Variants in REEP3 observed in about 807,000 individuals in gnomAD.
REEP3 encodes the protein receptor expression-enhancing protein 3.
In REEP3, 20 loss-of-function variants were observed where a neutral mutation model predicts 41.3. That is an observed-to-expected ratio of 0.48 (90% CI 0.34 to 0.70). REEP3 has a LOEUF of 0.70. Ranked by LOEUF, REEP3 falls within the 30% of genes least tolerant of loss-of-function variation. The probability of loss-of-function intolerance (pLI) is 0.01; values close to 1 mark genes in which losing one functional copy is unlikely to be tolerated. For missense variants in REEP3, 271 were observed against 308.8 expected, an observed-to-expected ratio of 0.88 and a Z score of 0.92; for synonymous variants, 104 against 101.8, an observed-to-expected ratio of 1.02 and a Z score of -0.13.
At position 63,610,335 on chromosome 10, in the gene REEP3, G is replaced by A; in HGVS notation, c.565+1G>A. ...AAACCAGCCCCCAGTGAATCAGCAG[G>A]TGTGCTTGTGTGTTTTAATATACGG... On this transcript the variant is annotated splice_donor_variant, in intron 6 of 7. Transcript: ENST00000373758. LOFTEE classifies it high-confidence loss of function. 7 of 1,552,244 alleles carry A rather than the reference G, an allele frequency of 4.5e-6. No homozygotes were observed. The highest frequency in any genetic ancestry group is 6.1e-6 in the Non-Finnish European group (7 of 1,147,202).
At chr10:63,591,413 A>C (rs1956062416) in intron 2 of REEP3, among the ~76,000 whole-genome samples, 1 of 143,626 alleles carries the variant, frequency 7.0e-6, no homozygotes, top group Non-Finnish European at 1.6e-5. Context: ...GAGAACAAAA[A>C]AAATCATAGG....
chr10:63,573,903 G>A (rs1008590722), intron 2 of REEP3, among the ~76,000 whole-genome samples: 10 of 151,984 alleles, frequency 6.6e-5, no homozygotes, highest in African/African-American at 2.4e-4. Flanking sequence ...GATTATGATG[G>A]GATTTTTACT....
intron 2 of REEP3, among the ~76,000 whole-genome samples, chr10:63,576,403 G>C (rs1454246774): frequency 6.6e-6 from 1 of 152,134 alleles, no homozygotes; most frequent in African/African-American, 2.4e-5. Flanking sequence ...CTGTTGAGGA[G>C]AATCATTCCT....
chr10:63,617,974 G>GC (rs1956324764), intron 6 of REEP3, among the ~76,000 whole-genome samples: 1 of 151,544 alleles, frequency 6.6e-6, no homozygotes, highest in African/African-American at 2.4e-5. Context: ...ACAGACTCCT[G>GC]CCACCACGCC....
intron 5 of REEP3, among the ~76,000 whole-genome samples, chr10:63,600,374 G>A (rs1956161371): frequency 6.6e-6 from 1 of 152,110 alleles, no homozygotes; most frequent in South Asian, 2.1e-4. Context: ...TATTAACTAT[G>A]CAGCACTATA....
At chr10:63,618,118 G>A (rs191989421) in intron 6 of REEP3, among the ~76,000 whole-genome samples, 1 of 151,560 alleles carries the variant, frequency 6.6e-6, no homozygotes, top group Admixed American at 6.6e-5. Flanking sequence ...GAGCCACTGC[G>A]CCTGGCTGTA....
chr10:63,591,524 T>C lies in REEP3; in HGVS notation c.106-3254T>C, dbSNP rs373820847. Among the ~76,000 whole-genome samples the C allele has an allele frequency of 2.6e-4, 39 of 152,358 alleles. No homozygotes were observed. In the East Asian group the frequency reaches 5.2e-3, roughly 20 times the overall value. ...GTAGTCAATTCACCAGGAAAATGCCTAGAAATACCCTATTGATTAGATAGT... is the reference window on the plus strand; with the variant it reads ...GTAGTCAATTCACCAGGAAAATGCCCAGAAATACCCTATTGATTAGATAGT... On this transcript the variant is annotated intron_variant, in intron 2 of 7. Coordinates refer to ENST00000373758, the MANE Select transcript of REEP3 (RefSeq NM_001001330.3).
intron 5 of REEP3, among the ~76,000 whole-genome samples, chr10:63,609,395 TG>T (rs1956258738): frequency 6.8e-6 from 1 of 145,990 alleles, no homozygotes; most frequent in African/African-American, 2.6e-5. Context: ...GAGCTTGCAG[TG>T]AGCCGAGATT....
At chr10:63,601,211 A>G (rs1017117695) in intron 5 of REEP3, among the ~76,000 whole-genome samples, 12 of 152,138 alleles carry the variant, frequency 7.9e-5, no homozygotes, top group African/African-American at 2.7e-4. Context: ...TAAATTTCTA[A>G]ACAGTGACAG....
At chr10:63,599,366 A>G in intron 5 of REEP3, 83 bp downstream of exon 5, 1 of 555,036 alleles carries the variant, frequency 1.8e-6, no homozygotes, top group South Asian at 3.6e-5. Context: ...CCATTATAAA[A>G]TTGTGGCATT....
At chr10:63,521,889 TCAGGGCAGGCGGC>T (rs1955264256) in intron 1 of REEP3, 1 of 153,318 alleles carries the variant, frequency 6.5e-6, no homozygotes, top group Non-Finnish European at 1.4e-5. Flanking sequence ...GGGCAGGCGC[TCAGGGCAGGCGGC>T]GCGCGCTCCC....
At chr10:63,533,185 C>G (rs1010748018) in intron 1 of REEP3, among the ~76,000 whole-genome samples, 5 of 152,208 alleles carry the variant, frequency 3.3e-5, no homozygotes, top group African/African-American at 9.7e-5. Context: ...TGCTTGTATG[C>G]TTCCTGTGGA....
intron 1 of REEP3, among the ~76,000 whole-genome samples, chr10:63,555,521 G>A (rs901087897): frequency 3.3e-5 from 5 of 152,134 alleles, no homozygotes; most frequent in African/African-American, 1.2e-4. Context: ...ATATACACAG[G>A]TACCTTGGTT....
chr10:63,613,760 G>A (rs1415900430), intron 6 of REEP3, among the ~76,000 whole-genome samples: 1 of 152,170 alleles, frequency 6.6e-6, no homozygotes, highest in Non-Finnish European at 1.5e-5. Context: ...CTGTTAGACT[G>A]CTAGAAGGTG....
chr10:63,600,420 G>A (rs554082173), intron 5 of REEP3, among the ~76,000 whole-genome samples: 20 of 152,114 alleles, frequency 1.3e-4, no homozygotes, highest in African/African-American at 3.9e-4. Flanking sequence ...GATTATTAAT[G>A]GTCAGCACTT....
chr10:63,545,691 T>G (rs555104678), intron 1 of REEP3, among the ~76,000 whole-genome samples: 4 of 141,240 alleles, frequency 2.8e-5, no homozygotes, highest in East Asian at 4.1e-4. Flanking sequence ...TTTTTTTTTT[T>G]TTTTTTTTTT....
chr10:63,588,728 C>T (rs1484884195), intron 2 of REEP3, among the ~76,000 whole-genome samples: 1 of 152,128 alleles, frequency 6.6e-6, no homozygotes, highest in African/African-American at 2.4e-5. Context: ...GTTAGATGTG[C>T]TTATGATATG....
At position 63,521,530 on chromosome 10, in the gene REEP3, C is replaced by T; in HGVS notation, c.-16C>T. 7.0e-7 allele frequency: 1 copy of T among 1,426,838 alleles called. No individual in the cohort carries two copies. Among genetic ancestry groups the T allele is most frequent in the Non-Finnish European group, 9.3e-7 (1 of 1,079,318 alleles). 88.4% of individuals were successfully genotyped at this position (1,426,838 alleles called of 1,614,324 possible). On this transcript the variant is annotated 5_prime_UTR_variant, in exon 1 of 8. Coordinates refer to ENST00000373758, the MANE Select transcript of REEP3 (RefSeq NM_001001330.3). ...CGCCCACCCGCCCCGGACGTGGGGC[C>T]CAAGCCCCCGTGAAGATGGTGTCCT... is the stretch of plus-strand genomic sequence containing the variant.
At chr10:63,521,629 TGGGAAG>T in intron 1 of REEP3, 52 bp downstream of exon 1, 1 of 1,313,458 alleles carries the variant, frequency 7.6e-7, no homozygotes, top group Non-Finnish European at 1.0e-6. Context: ...AGGGGAGCTG[TGGGAAG>T]GGGAAGGAGC....
Sources: allele counts gnomAD v4.1 joint callset (sites outside exome capture counted in the v4.1 genomes callset), GRCh38; gene constraint gnomAD v4.1.1; transcripts MANE v1.5; gene names NCBI Gene and HGNC (gene_info 2026-07-23, HGNC 2026-07-21).